Variants in ABCB8 observed in about 807,000 individuals in gnomAD.
The protein encoded by ABCB8 is ATP binding cassette subfamily B member 8, also known as mitochondrial potassium channel ATP-binding subunit.
ABCB8 carries 52 observed loss-of-function variants against 73.0 expected under a neutral mutation model. The observed-to-expected ratio is 0.71, with a 90% CI of 0.57 to 0.90. ABCB8 has a LOEUF of 0.90. ABCB8 is among the 40% of genes least tolerant of loss of function. The probability of loss-of-function intolerance (pLI) is 0.00; values close to 1 mark genes in which losing one functional copy is unlikely to be tolerated. For synonymous variants in ABCB8, 428 were observed against 423.5 expected (o/e 1.01, Z -0.13); for missense variants, 909 against 974.6 (o/e 0.93, Z 0.90).
chr7:151,044,885 G>C (rs531859946), intron 15 of ABCB8, among the ~76,000 whole-genome samples: 1 of 152,238 alleles, frequency 6.6e-6, no homozygotes, highest in Non-Finnish European at 1.5e-5. Context: ...GCCGTGTGGC[G>C]TTGGCTAACA....
chr7:151,043,199 G>A (rs1796514156), intron 14 of ABCB8, among the ~76,000 whole-genome samples: 1 of 152,216 alleles, frequency 6.6e-6, no homozygotes, highest in Admixed American at 6.5e-5. Flanking sequence ...CACAGGGCAG[G>A]GTGTGGGTCA....
chr7:151,038,989 C>G (rs976573515), intron 9 of ABCB8: 1 of 152,268 alleles, frequency 6.6e-6, no homozygotes, highest in African/African-American at 2.4e-5. Flanking sequence ...GCAGCCTAAC[C>G]TATGAGCCCA....
chr7:151,043,820 G>C, intron 14 of ABCB8, 151 bp from the exon 15 acceptor site: 1 of 1,098,042 alleles, frequency 9.1e-7, no homozygotes, highest in South Asian at 1.5e-5. Context: ...TGCACAGTGC[G>C]GGGTGGGGGT....
At chr7:151,036,522 C>T (rs1002026234) in intron 8 of ABCB8, 22 bp from the exon 9 acceptor site, 4 of 1,596,960 alleles carry the variant, frequency 2.5e-6, no homozygotes, top group African/African-American at 1.3e-5. Flanking sequence ...CTTCGTCCTC[C>T]CTCACTTCCC....
chr7:151,041,557 C>T (rs1206261248), intron 13 of ABCB8, among the ~76,000 whole-genome samples: 4 of 152,264 alleles, frequency 2.6e-5, no homozygotes, highest in African/African-American at 7.2e-5. Context: ...TGCTGAGCTG[C>T]AGCCGTTCTC....
At chr7:151,033,221 C>A in intron 1 of ABCB8, 1 of 410,774 alleles carries the variant, frequency 2.4e-6, no homozygotes, top group Admixed American at 3.1e-5. Context: ...GCACCGTGGT[C>A]CCTTAAACCC....
intron 13 of ABCB8, 42 bp downstream of exon 13, chr7:151,041,274 C>T: frequency 6.4e-7 from 1 of 1,570,224 alleles, no homozygotes; most frequent in South Asian, 1.2e-5. Context: ...CACTGCCCGT[C>T]CTCCCCTGGG....
chr7:151,035,555 C>T, intron 5 of ABCB8, 26 bp from the exon 6 acceptor site: 1 of 1,569,482 alleles, frequency 6.4e-7, no homozygotes. Context: ...ACGCCGTAGC[C>T]TCCCGCCTTC....
chr7:151,033,729 G>T lies in ABCB8; in HGVS notation c.220G>T (p.Val74Phe). ...ATGGAGCCCCTCTGCCTGGTGCTGG[G>T]TTGGGGGAGCCCTGCTAGGCCCCAT... ...PRWSPSAWCWVGGALLGPMVL... is the reference protein window; with the variant it reads ...PRWSPSAWCWFGGALLGPMVL... The change falls in exon 2 of 16, where the codon GTT becomes TTT. Residue 74 changes from valine (V) to phenylalanine (F), a missense_variant. Coordinates refer to ENST00000358849, the MANE Select transcript of ABCB8 (RefSeq NM_007188.5). The T allele has an allele frequency of 1.4e-5, 22 of 1,613,970 alleles. No individual in the cohort carries two copies. The highest frequency in any genetic ancestry group is 1.9e-5 in the Non-Finnish European group (22 of 1,179,958).
chr7:151,040,388 G>A, intron 10 of ABCB8, 87 bp downstream of exon 10: 1 of 1,590,172 alleles, frequency 6.3e-7, no homozygotes. Flanking sequence ...CTGGGTGTGG[G>A]CGGGCAGAGG....
Position 151,028,491 on chromosome 7 carries a change from G to C in ABCB8, c.-25G>C. Reference sequence around the variant, plus strand: ...GATGAGGGTGAAACTGCTATTGCCGGCGGCTCCTGTTTTACCGCGTCAGCA... The same window carrying C: ...GATGAGGGTGAAACTGCTATTGCCGCCGGCTCCTGTTTTACCGCGTCAGCA... On this transcript the variant is annotated 5_prime_UTR_variant, in exon 1 of 16. Coordinates refer to ENST00000358849, the MANE Select transcript of ABCB8 (RefSeq NM_007188.5). 1 of 1,604,290 alleles carries C rather than the reference G, an allele frequency of 6.2e-7. No individual in the cohort carries two copies. Among genetic ancestry groups the C allele is most frequent in the Non-Finnish European group, 8.5e-7 (1 of 1,175,788 alleles).
intron 1 of ABCB8, chr7:151,033,230 C>G: frequency 2.4e-6 from 1 of 417,168 alleles, no homozygotes; most frequent in Non-Finnish European, 4.5e-6. Flanking sequence ...TCCCTTAAAC[C>G]CCCGGCCCCT....
At chr7:151,031,922 A>G (rs1009832959) in intron 1 of ABCB8, among the ~76,000 whole-genome samples, 2 of 152,148 alleles carry the variant, frequency 1.3e-5, no homozygotes, top group Admixed American at 1.3e-4. Context: ...CCATGCTACG[A>G]TCTTTAAAAT....
chr7:151,040,015 A>G, intron 9 of ABCB8: 1 of 493,940 alleles, frequency 2.0e-6, no homozygotes, highest in Non-Finnish European at 3.6e-6. Flanking sequence ...TTCCTCGTGG[A>G]GCACCCCCTC....
At position 151,035,709 on chromosome 7, in the gene ABCB8, C is replaced by T. The variant is rs766562502; in HGVS notation, c.894C>T (p.Gly298=). Residue 298 remains glycine (G), a synonymous_variant, in exon 6 of 16, where the codon GGC becomes GGT. Coordinates refer to ENST00000358849, the MANE Select transcript of ABCB8 (RefSeq NM_007188.5). ...GAGTGGGCACCCTGATGGGCTCAGGCCTCCGAAAATTGTCTCGCCAGTGTC... is the reference window on the plus strand; with the variant it reads ...GAGTGGGCACCCTGATGGGCTCAGGTCTCCGAAAATTGTCTCGCCAGTGTC... The part of the protein sequence containing the change: ...LMGVGTLMGS[G]LRKLSRQCQE... 2 of 1,613,584 alleles carry T rather than the reference C, an allele frequency of 1.2e-6. No homozygotes were observed. The highest frequency in any genetic ancestry group is 1.7e-6 in the Non-Finnish European group (2 of 1,180,032).
Position 151,046,293 on chromosome 7 carries a change from A to G in ABCB8, c.*944A>G, listed in dbSNP as rs1227884429. 2.0e-5 allele frequency: 3 copies of G among 152,324 alleles called. No individual in the cohort carries two copies. The highest frequency in any genetic ancestry group is 1.5e-5 in the Non-Finnish European group (1 of 68,082). The allele number at this position is 152,324 out of a possible 1,614,324, so 9.4% of individuals were successfully genotyped here. A position where few individuals can be genotyped will look rare whatever the true frequency, so the allele number is the denominator to read the frequency against. On this transcript the variant is annotated 3_prime_UTR_variant, in exon 16 of 16. Transcript: ENST00000358849. The stretch of plus-strand genomic sequence containing the variant: ...CAGCTACTGCAGAATCCAGTACAGA[A>G]TCGGTCCAGGAGGGTGCGGCTGTGG...
intron 14 of ABCB8, 59 bp downstream of exon 14, chr7:151,042,167 A>G: frequency 6.3e-7 from 1 of 1,598,112 alleles, no homozygotes; most frequent in Non-Finnish European, 8.5e-7. Flanking sequence ...AGGATTCCAC[A>G]GGAGCAGTGA....
rs566864336 is a variant in ABCB8 at position 151,033,645 on chromosome 7, G to A, written c.136G>A (p.Val46Met). The change falls in exon 2 of 16, where the codon GTG (valine) becomes ATG (methionine). Residue 46 changes from valine (V) to methionine (M), a missense_variant. By Grantham distance (21) the Val-to-Met change is conservative. Coordinates refer to ENST00000358849, the MANE Select transcript of ABCB8 (RefSeq NM_007188.5). ...CCGCAGCTCCTCCCTCCTCCGGGCC[G>A]TGGCCCACCTGCGGTCCCAGCTCTG... ...GYRSSSLLRA[V>M]AHLRSQLWAH... The A allele has an allele frequency of 7.3e-5, 117 of 1,601,348 alleles. No homozygotes were observed. The East Asian group carries it at 1.6e-3, about 21-fold the overall frequency.
rs900669403 is a variant in ABCB8 at position 151,045,356 on chromosome 7, C to T, written c.*7C>T. The stretch of plus-strand genomic sequence containing the variant: ...CCACCAGCACAAGTCCTGAGAAGGG[C>T]CCCCTGAGGTGTGGTCGCTGCCAAG... On this transcript the variant is annotated 3_prime_UTR_variant, in exon 16 of 16. Transcript: ENST00000358849. 2.6e-6 allele frequency: 4 copies of T among 1,535,534 alleles called. No homozygotes were observed. The highest frequency in any genetic ancestry group is 2.5e-5 in the East Asian group (1 of 40,806).
Sources: allele counts gnomAD v4.1 joint callset (sites outside exome capture counted in the v4.1 genomes callset), GRCh38; gene constraint gnomAD v4.1.1; transcripts MANE v1.5; gene names NCBI Gene and HGNC (gene_info 2026-07-23, HGNC 2026-07-21).